The following EFNA5 variants were observed in gnomAD, a reference collection of about 807,000 sequenced individuals.
EFNA5 encodes the protein ephrin-A5.
EFNA5 carries 5 observed loss-of-function variants against 22.9 expected under a neutral mutation model. The ratio of observed to expected loss-of-function variants is 0.22; its 90% CI spans 0.11 to 0.46. EFNA5 has a LOEUF of 0.46. EFNA5 is among the 20% of genes least tolerant of loss of function. The pLI, the probability that EFNA5 is intolerant of heterozygous loss-of-function variation, is 0.99. For synonymous variants in EFNA5, 113 were observed against 112.2 expected, an observed-to-expected ratio of 1.01 and a Z score of -0.04; for missense variants, 237 against 293.3, an observed-to-expected ratio of 0.81 and a Z score of 1.40.
intron 1 of EFNA5, among the ~76,000 whole-genome samples, chr5:107,492,172 C>T (rs564016520): frequency 2.6e-5 from 4 of 152,148 alleles, no homozygotes; most frequent in Admixed American, 2.6e-4. Context: ...AAAAGCAAAA[C>T]AACTACAAAC....
At chr5:107,541,170 T>A (rs1748039462) in intron 1 of EFNA5, among the ~76,000 whole-genome samples, 1 of 147,854 alleles carries the variant, frequency 6.8e-6, no homozygotes, top group African/African-American at 2.5e-5. Context: ...TTCAATGGGA[T>A]GTAAAAGTAA....
chr5:107,509,381 C>T (rs1018929003), intron 1 of EFNA5, among the ~76,000 whole-genome samples: 17 of 151,160 alleles, frequency 1.1e-4, no homozygotes, highest in Non-Finnish European at 1.8e-4. Context: ...TGCAATGGTG[C>T]GATCTCAGCT....
chr5:107,577,370 T>C (rs916045987), intron 1 of EFNA5, among the ~76,000 whole-genome samples: 6 of 152,062 alleles, frequency 3.9e-5, no homozygotes, highest in African/African-American at 1.4e-4. Flanking sequence ...TTCTGTGAAA[T>C]CTAAATTTCA....
intron 1 of EFNA5, among the ~76,000 whole-genome samples, chr5:107,577,791 A>G (rs1218571444): frequency 6.6e-6 from 1 of 152,148 alleles, no homozygotes; most frequent in African/African-American, 2.4e-5. Flanking sequence ...TTCTTTGCTT[A>G]AAGTCATGCA....
In EFNA5 at chr5:107,381,273, C is replaced by T. The variant is rs761038055; in HGVS notation, c.669G>A (p.Ala223=). 6 of 1,613,876 alleles carry T rather than the reference C, an allele frequency of 3.7e-6. No individual in the cohort carries two copies. Among genetic ancestry groups the T allele is most frequent in the Non-Finnish European group, 4.2e-6 (5 of 1,179,830 alleles). ...GACTGTGCTATAATGTCAAAAGCAT[C>T]GCCAGGAGGAACAGTAGGATTGCCA... ...RLLAILLFLL[A]MLLTL Residue 223 remains alanine (A), a synonymous_variant, in exon 5 of 5, where the codon GCG becomes GCA. Coordinates refer to ENST00000333274, the MANE Select transcript of EFNA5 (RefSeq NM_001962.3).
chr5:107,514,677 T>A (rs1034556333), intron 1 of EFNA5, among the ~76,000 whole-genome samples: 2 of 152,106 alleles, frequency 1.3e-5, no homozygotes, highest in African/African-American at 4.8e-5. Context: ...AAAAAATTAT[T>A]CTTCAAAGGA....
chr5:107,510,394 G>T (rs1013394620), intron 1 of EFNA5, among the ~76,000 whole-genome samples: 2 of 152,146 alleles, frequency 1.3e-5, no homozygotes, highest in Non-Finnish European at 2.9e-5. Context: ...CTATAATCAA[G>T]AAATAACTGT....
intron 1 of EFNA5, among the ~76,000 whole-genome samples, chr5:107,445,618 G>A (rs138684262): frequency 1.3e-5 from 2 of 152,134 alleles, no homozygotes; most frequent in Non-Finnish European, 2.9e-5. Context: ...TGTTCAGGCA[G>A]GGATGTTCGA....
chr5:107,574,683 A>C (rs2112489771), intron 1 of EFNA5, among the ~76,000 whole-genome samples: 1 of 152,298 alleles, frequency 6.6e-6, no homozygotes, highest in South Asian at 2.1e-4. Flanking sequence ...AGCTATATGG[A>C]AGGGGGGAAA....
chr5:107,670,722 A>C lies in EFNA5; in HGVS notation c.-109T>G. ...CAGAGAGAGAGCGGGCGCCAAATAA[A>C]TATGAATAAATAAAAATGAAAGTGG... On this transcript the variant is annotated 5_prime_UTR_variant, in exon 1 of 5. Coordinates refer to ENST00000333274, the MANE Select transcript of EFNA5 (RefSeq NM_001962.3). 7.0e-7 allele frequency: 1 copy of C among 1,437,072 alleles called. No homozygotes were observed. Among genetic ancestry groups the C allele is most frequent in the Non-Finnish European group, 9.3e-7 (1 of 1,073,176 alleles). The allele number at this position is 1,437,072 out of a possible 1,614,324, so 89.0% of individuals were successfully genotyped here.
intron 1 of EFNA5, among the ~76,000 whole-genome samples, chr5:107,489,167 A>C (rs543516823): frequency 2.0e-5 from 3 of 152,206 alleles, no homozygotes; most frequent in African/African-American, 7.2e-5. Context: ...CATGTATTGG[A>C]CCAGACAAAA....
intron 1 of EFNA5, among the ~76,000 whole-genome samples, chr5:107,647,868 A>T (rs547263925): frequency 1.7e-4 from 26 of 152,304 alleles, no homozygotes; most frequent in African/African-American, 6.3e-4. Context: ...GAATAATTTG[A>T]CTAGAAACTG....
chr5:107,461,513 G>C (rs1749834737), intron 1 of EFNA5, among the ~76,000 whole-genome samples: 1 of 152,044 alleles, frequency 6.6e-6, no homozygotes, highest in Non-Finnish European at 1.5e-5. Flanking sequence ...CTTTTCTACA[G>C]GTTGTAATTG....
chr5:107,476,154 C>G (rs1188732862), intron 1 of EFNA5, among the ~76,000 whole-genome samples: 1 of 147,550 alleles, frequency 6.8e-6, no homozygotes, highest in Admixed American at 6.9e-5. Flanking sequence ...CAAGTTCAAG[C>G]AATTCTCCTG....
chr5:107,410,475 T>C (rs566899437), intron 2 of EFNA5, among the ~76,000 whole-genome samples: 1 of 152,302 alleles, frequency 6.6e-6, no homozygotes, highest in East Asian at 1.9e-4. Context: ...AACTATATAC[T>C]TAGTATACTT....
intron 1 of EFNA5, among the ~76,000 whole-genome samples, chr5:107,668,054 T>C (rs181875209): frequency 6.6e-6 from 1 of 152,206 alleles, no homozygotes; most frequent in Non-Finnish European, 1.5e-5. Flanking sequence ...AAATATTGTT[T>C]TTAAAGTAAG....
intron 1 of EFNA5, among the ~76,000 whole-genome samples, chr5:107,554,257 A>C (rs1438030533): frequency 6.6e-6 from 1 of 152,190 alleles, no homozygotes; most frequent in Non-Finnish European, 1.5e-5. Flanking sequence ...CAAATTACAA[A>C]AGGGAGAAAT....
intron 1 of EFNA5, among the ~76,000 whole-genome samples, chr5:107,624,796 G>T (rs1750111966): frequency 6.6e-6 from 1 of 152,040 alleles, no homozygotes. Context: ...AAAAATTTGT[G>T]TCTAGTATAT....
chr5:107,602,203 A>G (rs1749614675), intron 1 of EFNA5, among the ~76,000 whole-genome samples: 1 of 152,230 alleles, frequency 6.6e-6, no homozygotes, highest in Non-Finnish European at 1.5e-5. Flanking sequence ...TTAATGCAGG[A>G]GTTAAATTTG....
Sources: allele counts gnomAD v4.1 joint callset (sites outside exome capture counted in the v4.1 genomes callset), GRCh38; gene constraint gnomAD v4.1.1; transcripts MANE v1.5; gene names NCBI Gene and HGNC (gene_info 2026-07-23, HGNC 2026-07-21).